The following SNX9 variants were observed in gnomAD, a reference collection of about 807,000 sequenced individuals.
SNX9 encodes the protein sorting nexin 9.
SNX9 carries 44 observed loss-of-function variants against 89.4 expected under a neutral mutation model. The observed-to-expected ratio is 0.49, with a 90% confidence interval of 0.39 to 0.63. The LOEUF (loss-of-function observed/expected upper bound fraction) is 0.63, where lower values mean the gene tolerates loss of function less well. SNX9 is among the 30% of genes least tolerant of loss of function. SNX9 has a pLI of 0.00. For missense variants in SNX9, 578 were observed against 736.1 expected, an observed-to-expected ratio of 0.79 and a Z score of 2.49; for synonymous variants, 236 against 247.8, an observed-to-expected ratio of 0.95 and a Z score of 0.45.
At chr6:157,825,199 G>C (rs1486828619) in intron 1 of SNX9, among the ~76,000 whole-genome samples, 1 of 152,172 alleles carries the variant, frequency 6.6e-6, no homozygotes, top group Admixed American at 6.5e-5. Context: ...AGTGATCCGA[G>C]ATCGCGCCAC....
intron 4 of SNX9, among the ~76,000 whole-genome samples, chr6:157,876,114 CTGA>C (rs1344049879): frequency 6.6e-6 from 1 of 151,568 alleles, no homozygotes; most frequent in Non-Finnish European, 1.5e-5. Context: ...TCTATCAGGC[CTGA>C]TGATAATCAT....
At chr6:157,905,776 C>CA (rs1314512564) in intron 6 of SNX9, among the ~76,000 whole-genome samples, 1 of 152,202 alleles carries the variant, frequency 6.6e-6, no homozygotes, top group Non-Finnish European at 1.5e-5. Flanking sequence ...GTGGCCAACT[C>CA]AGATTGGCGT....
chr6:157,876,325 A>G (rs987449566), intron 4 of SNX9, among the ~76,000 whole-genome samples: 2 of 152,116 alleles, frequency 1.3e-5, no homozygotes, highest in African/African-American at 2.4e-5. Flanking sequence ...GGTGGCAGGC[A>G]CCTGTAATCC....
In SNX9 at chr6:157,823,389, G is replaced by C; in HGVS notation, c.-46G>C. The stretch of plus-strand genomic sequence containing the variant: ...GCGCGGCTCAGAATCACCATCCGCG[G>C]CGCGGGAGACGAGCCGGCCGTCCCG... On this transcript the variant is annotated 5_prime_UTR_variant, in exon 1 of 18. Transcript: ENST00000392185. The surrounding 1 kb of genome is among the most constrained non-coding windows in gnomAD (Gnocchi z 4.6). The C allele has an allele frequency of 7.9e-7, 1 of 1,272,364 alleles. No homozygotes were observed. The highest frequency in any genetic ancestry group is 1.0e-6 in the Non-Finnish European group (1 of 1,001,594). 78.8% of individuals were successfully genotyped at this position (1,272,364 alleles called of 1,614,324 possible).
chr6:157,869,375 C>T (rs1223363691), intron 2 of SNX9, among the ~76,000 whole-genome samples: 1 of 152,178 alleles, frequency 6.6e-6, no homozygotes. Flanking sequence ...AGTTTTTTCA[C>T]AAGCACTTCA....
At chr6:157,865,764 A>C (rs973144713) in intron 1 of SNX9, among the ~76,000 whole-genome samples, 6 of 152,198 alleles carry the variant, frequency 3.9e-5, no homozygotes, top group Admixed American at 2.0e-4. Flanking sequence ...CTAAATATGA[A>C]CCTTTATTCT....
chr6:157,913,049 C>G (rs1223661968), intron 9 of SNX9, among the ~76,000 whole-genome samples: 1 of 152,192 alleles, frequency 6.6e-6, no homozygotes, highest in Admixed American at 6.5e-5. Context: ...ATAATGAACT[C>G]TGGGTACAAC....
At chr6:157,903,208 A>G (rs760904239) in intron 6 of SNX9, among the ~76,000 whole-genome samples, 1 of 152,180 alleles carries the variant, frequency 6.6e-6, no homozygotes, top group Admixed American at 6.5e-5. Context: ...CAATATTCCA[A>G]TTCCATGATT....
intron 4 of SNX9, among the ~76,000 whole-genome samples, chr6:157,887,517 T>C (rs971908250): frequency 2.0e-5 from 3 of 152,176 alleles, no homozygotes; most frequent in African/African-American, 7.2e-5. Flanking sequence ...CCGCCGAGCT[T>C]TGTGTGGGTT....
intron 13 of SNX9, among the ~76,000 whole-genome samples, chr6:157,935,079 A>G (rs1217529099): frequency 1.3e-5 from 2 of 152,232 alleles, no homozygotes; most frequent in Non-Finnish European, 2.9e-5. Flanking sequence ...AATCTCAGTT[A>G]CTTTTGGAGA....
At chr6:157,830,647 C>T (rs1781462688) in intron 1 of SNX9, 1 of 152,184 alleles carries the variant, frequency 6.6e-6, no homozygotes, top group African/African-American at 2.4e-5. Context: ...CATATGGTAA[C>T]TGCCTGCCTC....
intron 1 of SNX9, among the ~76,000 whole-genome samples, chr6:157,824,187 T>C (rs1413903325): frequency 6.6e-6 from 1 of 152,162 alleles, no homozygotes; most frequent in Admixed American, 6.5e-5. Flanking sequence ...GAGCGGTGGT[T>C]TGCTTGTTTT....
At chr6:157,831,905 G>A (rs182824815) in intron 1 of SNX9, among the ~76,000 whole-genome samples, 50 of 152,342 alleles carry the variant, frequency 3.3e-4, no homozygotes, top group Admixed American at 2.9e-3. Flanking sequence ...TGGAATATGT[G>A]CATGAAAGTG....
chr6:157,823,399 C>A lies in SNX9; in HGVS notation c.-36C>A. On this transcript the variant is annotated 5_prime_UTR_variant, in exon 1 of 18. Transcript: ENST00000392185. The surrounding 1 kb of genome is among the most constrained non-coding windows in gnomAD (Gnocchi z 4.6). Reference sequence around the variant, plus strand: ...GAATCACCATCCGCGGCGCGGGAGACGAGCCGGCCGTCCCGGGCCGGGGGA... The same window carrying A: ...GAATCACCATCCGCGGCGCGGGAGAAGAGCCGGCCGTCCCGGGCCGGGGGA... The A allele has an allele frequency of 7.9e-7, 1 of 1,270,360 alleles. No individual in the cohort carries two copies. Among genetic ancestry groups the A allele is most frequent in the South Asian group, 2.0e-5 (1 of 49,782 alleles). 78.7% of individuals were successfully genotyped at this position (1,270,360 alleles called of 1,614,324 possible). A position where few individuals can be genotyped will look rare whatever the true frequency, so the allele number is the denominator to read the frequency against.
intron 2 of SNX9, among the ~76,000 whole-genome samples, chr6:157,870,713 T>C (rs1417471550): frequency 4.5e-4 from 53 of 116,722 alleles, no homozygotes; most frequent in Middle Eastern, 6.0e-3. Flanking sequence ...CCTGCTCTCA[T>C]ACATACATGC....
intron 4 of SNX9, among the ~76,000 whole-genome samples, chr6:157,890,864 C>T (rs1782843130): frequency 6.6e-6 from 1 of 152,074 alleles, no homozygotes; most frequent in South Asian, 2.1e-4. Context: ...CATATACCCA[C>T]CTTCTAGATT....
chr6:157,834,150 GTTTTTTTTTTTTTTTTTTTTTTT>G (rs561509955), intron 1 of SNX9, among the ~76,000 whole-genome samples: 1 of 35,620 alleles, frequency 2.8e-5, no homozygotes, highest in Non-Finnish European at 4.8e-5. Flanking sequence ...GTCCACTGTG[GTTTTTTTTTTTTTTTTTTTTTTT>G]TTTTTTTTTT....
In SNX9 at chr6:157,937,475, G is replaced by A; in HGVS notation, c.1485G>A (p.Glu495=). 6.2e-7 allele frequency: 1 copy of A among 1,613,980 alleles called. No individual in the cohort carries two copies. The highest frequency in any genetic ancestry group is 8.5e-7 in the Non-Finnish European group (1 of 1,179,888). ...DLHFLMECNH[E]YKGFLGCFPD... Reference sequence around the variant, plus strand: ...ATTTCCTGATGGAATGTAATCACGAGTATAAAGGTTTTCTTGGCTGCTTCC... The same window carrying A: ...ATTTCCTGATGGAATGTAATCACGAATATAAAGGTTTTCTTGGCTGCTTCC... Residue 495 remains glutamate, a synonymous_variant, in exon 15 of 18, where the codon GAG becomes GAA. Coordinates refer to ENST00000392185, the MANE Select transcript of SNX9 (RefSeq NM_016224.5).
At chr6:157,941,012 G>A (rs1426792937) in intron 17 of SNX9, 38 bp downstream of exon 17, 5 of 1,549,454 alleles carry the variant, frequency 3.2e-6, no homozygotes, top group Non-Finnish European at 4.5e-6. Context: ...ATGTGCTTGA[G>A]GAGAGGGTTC....
Sources: allele counts gnomAD v4.1 joint callset (sites outside exome capture counted in the v4.1 genomes callset), GRCh38; gene constraint gnomAD v4.1.1; non-coding constraint Gnocchi (gnomAD v3.1); transcripts MANE v1.5; gene names NCBI Gene and HGNC (gene_info 2026-07-23, HGNC 2026-07-21).